Variants in UNC5C observed in about 807,000 individuals in gnomAD.
UNC5C encodes unc-5 netrin receptor C.
Under a neutral mutation model 99.8 loss-of-function variants are expected in UNC5C, and 47 were observed. The ratio of observed to expected loss-of-function variants is 0.47; its 90% CI spans 0.37 to 0.60. The LOEUF (loss-of-function observed/expected upper bound fraction) is 0.60, where lower values mean the gene tolerates loss of function less well. UNC5C is among the 20% of genes least tolerant of loss of function. UNC5C has a pLI of 0.00. For missense variants in UNC5C, 1,062 were observed against 1,165.9 expected, an observed-to-expected ratio of 0.91 and a Z score of 1.30; for synonymous variants, 487 against 452.2, an observed-to-expected ratio of 1.08 and a Z score of -0.98.
chr4:95,270,415 A>T (rs1740614618), intron 4 of UNC5C, among the ~76,000 whole-genome samples: 1 of 122,740 alleles, frequency 8.1e-6, no homozygotes, highest in African/African-American at 2.5e-5. Context: ...ATATCTTTAG[A>T]CAATGGTAAA....
rs889820351 is a variant in UNC5C at position 95,548,591 on chromosome 4, G to C, written c.124+143C>G. The C allele has an allele frequency of 2.4e-5, 20 of 820,672 alleles. No homozygotes were observed. The African/African-American group carries it at 3.1e-4, about 13-fold the overall frequency. The allele number at this position is 820,672 out of a possible 1,614,324, so 50.8% of individuals were successfully genotyped here. A position where few individuals can be genotyped will look rare whatever the true frequency, so the allele number is the denominator to read the frequency against. On this transcript the variant is annotated intron_variant, in intron 1 of 15. Transcript: ENST00000453304. The stretch of plus-strand genomic sequence containing the variant: ...TATTATAATCAAAGCTTCTTGACTA[G>C]TTGGGAAAGTGGAATTTAGAGTGGT...
chr4:95,442,265 T>G (rs1746971303), intron 1 of UNC5C, among the ~76,000 whole-genome samples: 1 of 151,722 alleles, frequency 6.6e-6, no homozygotes, highest in Non-Finnish European at 1.5e-5. Context: ...TGCAGTGGTG[T>G]GATCATAGAT....
intron 1 of UNC5C, among the ~76,000 whole-genome samples, chr4:95,401,172 T>A (rs999061823): frequency 5.3e-5 from 8 of 152,198 alleles, no homozygotes; most frequent in African/African-American, 1.9e-4. Flanking sequence ...AAGCTTCAAT[T>A]TGTTCTTAGT....
chr4:95,453,516 A>C lies in UNC5C; in HGVS notation c.124+95218T>G, dbSNP rs143256919. ...GGAAGAAAAAAAAGAAAGAAAAAACAAAAAAGAAACAGAACCCAGTAAAAT... is the reference window on the plus strand; with the variant it reads ...GGAAGAAAAAAAAGAAAGAAAAAACCAAAAAGAAACAGAACCCAGTAAAAT... On this transcript the variant is annotated intron_variant, in intron 1 of 15. Coordinates refer to ENST00000453304, the MANE Select transcript of UNC5C (RefSeq NM_003728.4). Among the ~76,000 whole-genome samples the C allele has an allele frequency of 3.9e-3, 587 of 152,238 alleles. 29 individuals carry two copies. The highest frequency in any genetic ancestry group is 0.033 in the Admixed American group (503 of 15,268).
intron 1 of UNC5C, among the ~76,000 whole-genome samples, chr4:95,399,626 G>A (rs987573469): frequency 5.9e-5 from 9 of 152,080 alleles, no homozygotes; most frequent in Non-Finnish European, 8.8e-5. Context: ...CTGCCTCAGG[G>A]CCTTTGCTCT....
chr4:95,286,425 A>G (rs1741236498), intron 3 of UNC5C, among the ~76,000 whole-genome samples: 1 of 152,172 alleles, frequency 6.6e-6, no homozygotes, highest in South Asian at 2.1e-4. Flanking sequence ...TGATTATGGA[A>G]CACCAAGTTA....
At chr4:95,184,450 C>T (rs890924466) in intron 13 of UNC5C, among the ~76,000 whole-genome samples, 2 of 152,110 alleles carry the variant, frequency 1.3e-5, no homozygotes, top group African/African-American at 4.8e-5. Flanking sequence ...TGCAATCCCG[C>T]CAAAGTGGTT....
intron 1 of UNC5C, among the ~76,000 whole-genome samples, chr4:95,367,103 CA>C (rs1314249399): frequency 2.0e-5 from 3 of 151,640 alleles, no homozygotes; most frequent in Non-Finnish European, 4.4e-5. Flanking sequence ...TATAAAGGCT[CA>C]AAAAACTTAA....
intron 1 of UNC5C, among the ~76,000 whole-genome samples, chr4:95,476,713 T>C (rs1165873472): frequency 1.3e-5 from 2 of 152,064 alleles, no homozygotes; most frequent in Non-Finnish European, 2.9e-5. Flanking sequence ...TTATAGTTGT[T>C]TAGTATTAAA....
chr4:95,303,463 G>A (rs1020605088), intron 2 of UNC5C, among the ~76,000 whole-genome samples: 1 of 152,052 alleles, frequency 6.6e-6, no homozygotes, highest in African/African-American at 2.4e-5. Context: ...ATCACTTGAG[G>A]TAAGGAGTTT....
chr4:95,294,969 G>A (rs1741621512), intron 3 of UNC5C, among the ~76,000 whole-genome samples: 1 of 152,162 alleles, frequency 6.6e-6, no homozygotes, highest in South Asian at 2.1e-4. Context: ...AGGAAGTCAT[G>A]GCACTAGGAT....
chr4:95,231,268 C>T (rs766080425), intron 7 of UNC5C, among the ~76,000 whole-genome samples: 13 of 152,086 alleles, frequency 8.5e-5, no homozygotes, highest in African/African-American at 1.4e-4. Context: ...CAATATGGAG[C>T]TGCTTCTATG....
chr4:95,323,918 C>A (rs1742791703), intron 2 of UNC5C, among the ~76,000 whole-genome samples: 2 of 152,066 alleles, frequency 1.3e-5, no homozygotes, highest in Non-Finnish European at 2.9e-5. Context: ...CATCTGTAGT[C>A]CCAGCTGCTG....
At chr4:95,539,584 T>C (rs1722865031) in intron 1 of UNC5C, among the ~76,000 whole-genome samples, 1 of 152,196 alleles carries the variant, frequency 6.6e-6, no homozygotes, top group Non-Finnish European at 1.5e-5. Context: ...CATTGGTTTT[T>C]TGAGGATATT....
intron 10 of UNC5C, 93 bp downstream of exon 10, chr4:95,216,031 G>T: frequency 1.8e-6 from 2 of 1,094,470 alleles, no homozygotes; most frequent in East Asian, 2.6e-5. Context: ...AGGCACTTGA[G>T]ACAAAAATAT....
intron 1 of UNC5C, among the ~76,000 whole-genome samples, chr4:95,489,204 C>T (rs17383903): frequency 0.41 from 61,477 of 150,974 alleles, 12,754 homozygotes; most frequent in Non-Finnish European, 0.45. Context: ...TCAGACATGA[C>T]GATAGGGTGA....
In UNC5C at chr4:95,166,781, T is replaced by C. The variant is rs987395455; in HGVS notation, c.*2453A>G. 2 of 152,202 alleles carry C rather than the reference T, an allele frequency of 1.3e-5. No homozygotes were observed. Among genetic ancestry groups the C allele is most frequent in the African/African-American group, 4.8e-5 (2 of 41,460 alleles). The allele number at this position is 152,202 out of a possible 1,614,324, so 9.4% of individuals were successfully genotyped here. A position where few individuals can be genotyped will look rare whatever the true frequency, so the allele number is the denominator to read the frequency against. Reference sequence around the variant, plus strand: ...AATGTAGGAATGGACAATAGCTCTCTTTCCTCCTCCTCCTTTTAAAAAATG... The same window carrying C: ...AATGTAGGAATGGACAATAGCTCTCCTTCCTCCTCCTCCTTTTAAAAAATG... On this transcript the variant is annotated 3_prime_UTR_variant, in exon 16 of 16. Transcript: ENST00000453304.
At position 95,377,895 on chromosome 4, in the gene UNC5C, G is replaced by A. The variant is rs372356150; in HGVS notation, c.125-42264C>T. Among the ~76,000 whole-genome samples the A allele has an allele frequency of 2.2e-4, 33 of 152,088 alleles. No homozygotes were observed. The South Asian group carries it at 5.4e-3, about 25-fold the overall frequency. On this transcript the variant is annotated intron_variant, in intron 1 of 15. Transcript: ENST00000453304. ...AAGCAGCTAGTTTCCATATGTTCGC[G>A]GTATTCTGAAGGATTCCTTCTCGAT...
intron 1 of UNC5C, among the ~76,000 whole-genome samples, chr4:95,413,820 C>A (rs1746080650): frequency 6.6e-6 from 1 of 152,180 alleles, no homozygotes; most frequent in Admixed American, 6.5e-5. Flanking sequence ...TCTGGCTACA[C>A]AGCTCCCTAC....
Sources: gnomAD v4.1 joint callset for allele counts (sites outside exome capture counted in the v4.1 genomes callset) on GRCh38, gnomAD v4.1.1 for gene constraint, MANE v1.5 for transcripts, NCBI Gene and HGNC (gene_info 2026-07-23, HGNC 2026-07-21) for gene names.